ARHGEF28: variants seen among roughly 807,000 people sequenced by gnomAD.
The protein encoded by ARHGEF28 is Rho guanine nucleotide exchange factor 28, also known as 190 kDa guanine nucleotide exchange factor.
A neutral mutation model predicts 206.6 loss-of-function variants in ARHGEF28; 152 were observed. That is an observed-to-expected ratio of 0.74 (90% CI 0.64 to 0.84). The LOEUF is 0.84. ARHGEF28 is among the 40% of genes least tolerant of loss of function. The pLI is 0.00. For missense variants in ARHGEF28, 2,028 were observed against 2,073.2 expected, an observed-to-expected ratio of 0.98 and a Z score of 0.42; for synonymous variants, 763 against 776.4, an observed-to-expected ratio of 0.98 and a Z score of 0.29.
intron 35 of ARHGEF28, among the ~76,000 whole-genome samples, chr5:73,928,962 G>C (rs1199159442): frequency 1.3e-5 from 2 of 152,112 alleles, no homozygotes; most frequent in Non-Finnish European, 1.5e-5. Flanking sequence ...TTGAGACGGA[G>C]TCTCGCTCTG....
At chr5:73,769,577 AT>A (rs1305353800) in intron 4 of ARHGEF28, among the ~76,000 whole-genome samples, 2 of 152,202 alleles carry the variant, frequency 1.3e-5, no homozygotes, top group Non-Finnish European at 2.9e-5. Flanking sequence ...TTGCACTGCA[AT>A]TTATTCCATT....
At chr5:73,765,085 A>G (rs1448123053) in intron 4 of ARHGEF28, among the ~76,000 whole-genome samples, 2 of 152,182 alleles carry the variant, frequency 1.3e-5, no homozygotes, top group Admixed American at 6.5e-5. Context: ...GGTTGAATTA[A>G]TTTAACATGC....
In ARHGEF28 at chr5:73,911,322, C is replaced by A. The variant is rs776485657; in HGVS notation, c.4695C>A (p.Phe1565Leu). The A allele has an allele frequency of 3.1e-6, 5 of 1,609,146 alleles. No individual in the cohort carries two copies. The East Asian group carries it at 1.1e-4, about 36-fold the overall frequency. ...AGAGTTTATGTCATGAAAACTCATTCTTCATCAATGAAGCTTTAGTACAAA... is the reference window on the plus strand; with the variant it reads ...AGAGTTTATGTCATGAAAACTCATTATTCATCAATGAAGCTTTAGTACAAA... ...RSESLCHENS[F>L]FINEALVQMS... The change falls in exon 35 of 36, where the codon TTC becomes TTA. Residue 1565 changes from phenylalanine (F) to leucine (L), a missense_variant. Physicochemically the swap from Phe to Leu is conservative, Grantham distance 22. Around this residue, in one of 3 missense-constraint regions of ARHGEF28, gnomAD observed 803 missense variants for 768.0 expected, o/e 1.05. Transcript: ENST00000513042.
At chr5:73,683,597 C>T (rs1167432629) in intron 1 of ARHGEF28, among the ~76,000 whole-genome samples, 5 of 151,638 alleles carry the variant, frequency 3.3e-5, no homozygotes, top group Non-Finnish European at 5.9e-5. Context: ...TTTGTTTATC[C>T]ATCCATCTGT....
intron 35 of ARHGEF28, among the ~76,000 whole-genome samples, chr5:73,928,188 G>A (rs1167433063): frequency 1.3e-5 from 2 of 152,194 alleles, no homozygotes; most frequent in East Asian, 3.8e-4. Flanking sequence ...GGAGGCCGAG[G>A]CCAGCAGCTC....
At chr5:73,799,998 T>G (rs1475565847) in intron 9 of ARHGEF28, among the ~76,000 whole-genome samples, 2 of 152,082 alleles carry the variant, frequency 1.3e-5, no homozygotes, top group Admixed American at 1.3e-4. Context: ...AAAGTAAGCC[T>G]CTTGGAAAAA....
At chr5:73,819,864 G>A (rs113393802) in intron 9 of ARHGEF28, among the ~76,000 whole-genome samples, 2 of 152,268 alleles carry the variant, frequency 1.3e-5, no homozygotes, top group African/African-American at 4.8e-5. Context: ...TTAAGATGCA[G>A]CTTGAGTGTA....
chr5:73,757,844 T>A lies in ARHGEF28; in HGVS notation c.475+4642T>A, dbSNP rs539597451. 3.9e-5 allele frequency among the ~76,000 whole-genome samples: 6 copies of A among 152,332 alleles called. No individual in the cohort carries two copies. In the East Asian group the frequency reaches 9.6e-4, roughly 24 times the overall value. On this transcript the variant is annotated intron_variant, in intron 4 of 35. Coordinates refer to ENST00000513042, the MANE Select transcript of ARHGEF28 (RefSeq NM_001177693.2). Reference sequence around the variant, plus strand: ...GTAAAGCATTGAATAGTAATATAATTATTCAACAGAATCTCACAATTTATT... The same window carrying A: ...GTAAAGCATTGAATAGTAATATAATAATTCAACAGAATCTCACAATTTATT...
chr5:73,714,346 T>C (rs1446268751), intron 2 of ARHGEF28, among the ~76,000 whole-genome samples: 2 of 152,164 alleles, frequency 1.3e-5, no homozygotes, highest in African/African-American at 2.4e-5. Context: ...GTTGGAACTT[T>C]TTCGAGTTTT....
Position 73,909,849 on chromosome 5 carries a change from C to A in ARHGEF28, c.4599C>A (p.His1533Gln), listed in dbSNP as rs1258350405. 20 of 1,540,304 alleles carry A rather than the reference C, an allele frequency of 1.3e-5. No individual in the cohort carries two copies. Among genetic ancestry groups the A allele is most frequent in the Non-Finnish European group, 1.5e-5 (17 of 1,155,964 alleles). The change falls in exon 34 of 36, where the codon CAC becomes CAA. Residue 1533 changes from histidine (H) to glutamine (Q), a missense_variant. Coordinates refer to ENST00000513042, the MANE Select transcript of ARHGEF28 (RefSeq NM_001177693.2). The stretch of plus-strand genomic sequence containing the variant: ...AGAGCCTGCTGGGCCACTGGAAGCA[C>A]GGCCGGCAGAGGAGCCTGCCCGCGG... The part of the protein sequence containing the change: ...AQQSLLGHWK[H>Q]GRQRSLPAVL...
intron 22 of ARHGEF28, among the ~76,000 whole-genome samples, chr5:73,877,535 T>C: frequency 7.3e-6 from 1 of 136,068 alleles, no homozygotes; most frequent in African/African-American, 2.9e-5. Flanking sequence ...TTTAGATCTT[T>C]CCTGCTTTCT....
intron 9 of ARHGEF28, among the ~76,000 whole-genome samples, chr5:73,829,532 A>T (rs1173430658): frequency 6.6e-6 from 1 of 152,088 alleles, no homozygotes; most frequent in Admixed American, 6.5e-5. Context: ...GGCGTGTGCC[A>T]CCATGCCCGG....
intron 4 of ARHGEF28, among the ~76,000 whole-genome samples, chr5:73,766,201 A>C (rs970473624): frequency 5.3e-5 from 8 of 151,946 alleles, no homozygotes; most frequent in Non-Finnish European, 8.8e-5. Context: ...CAAAACAAAA[A>C]CGTATTGTGT....
At position 73,774,055 on chromosome 5, in the gene ARHGEF28, G is replaced by T; in HGVS notation, c.659+17G>T. 1 of 1,561,184 alleles carries T rather than the reference G, an allele frequency of 6.4e-7. No homozygotes were observed. The highest frequency in any genetic ancestry group is 8.7e-7 in the Non-Finnish European group (1 of 1,152,002). On this transcript the variant is annotated intron_variant, in intron 5 of 35. Transcript: ENST00000513042. The stretch of plus-strand genomic sequence containing the variant: ...CGTCACAAAGTGAGTTTAGCTACTT[G>T]ATAGTCTCTCTCTTATTTGTATAAA...
intron 29 of ARHGEF28, among the ~76,000 whole-genome samples, chr5:73,895,306 A>AG (rs796774725): frequency 3.9e-5 from 6 of 152,268 alleles, no homozygotes; most frequent in African/African-American, 1.4e-4. Flanking sequence ...AGAGGATGAG[A>AG]GGCCAGGGTG....
chr5:73,755,116 A>G (rs1466580351), intron 4 of ARHGEF28, among the ~76,000 whole-genome samples: 4 of 151,472 alleles, frequency 2.6e-5, no homozygotes, highest in Non-Finnish European at 5.9e-5. Context: ...CACCCTTTCT[A>G]TCTCACATAT....
chr5:73,881,069 T>G (rs972333164), intron 22 of ARHGEF28, among the ~76,000 whole-genome samples: 15 of 151,558 alleles, frequency 9.9e-5, no homozygotes, highest in Admixed American at 6.6e-4. Flanking sequence ...GCTGTCCAAT[T>G]GCTCCAGTGC....
At chr5:73,793,032 T>C (rs1275868827) in intron 7 of ARHGEF28, among the ~76,000 whole-genome samples, 1 of 152,208 alleles carries the variant, frequency 6.6e-6, no homozygotes, top group Non-Finnish European at 1.5e-5. Flanking sequence ...CCTCATTCCC[T>C]GCTGAGATCA....
At chr5:73,917,724 G>A (rs1279009352) in intron 35 of ARHGEF28, among the ~76,000 whole-genome samples, 1 of 152,178 alleles carries the variant, frequency 6.6e-6, no homozygotes, top group Non-Finnish European at 1.5e-5. Flanking sequence ...CTGAAGTGTG[G>A]GAGTCCACAT....
Sources: gnomAD v4.1 joint callset for allele counts (sites outside exome capture counted in the v4.1 genomes callset) on GRCh38, gnomAD v4.1.1 for gene constraint, gnomAD v4.1.1 regional missense constraint, MANE v1.5 for transcripts, NCBI Gene and HGNC (gene_info 2026-07-23, HGNC 2026-07-21) for gene names.